Variants in ARHGAP18 observed in about 807,000 individuals in gnomAD.
ARHGAP18 encodes rho GTPase-activating protein 18.
ARHGAP18 carries 67 observed loss-of-function variants against 86.2 expected under a neutral mutation model. The ratio of observed to expected loss-of-function variants is 0.78; its 90% confidence interval spans 0.64 to 0.95. The LOEUF (loss-of-function observed/expected upper bound fraction) is 0.95. Ranked by LOEUF, ARHGAP18 falls within the 40% of genes least tolerant of loss-of-function variation. The pLI is 0.00. For missense variants in ARHGAP18, 691 were observed against 780.4 expected (o/e 0.89, Z 1.37); for synonymous variants, 283 against 280.4 (o/e 1.01, Z -0.09).
intron 1 of ARHGAP18, among the ~76,000 whole-genome samples, chr6:129,659,405 T>A (rs1773903970): frequency 6.6e-6 from 1 of 152,248 alleles, no homozygotes; most frequent in Non-Finnish European, 1.5e-5. Context: ...TTCCACACTA[T>A]GCCAAACTGT....
intron 5 of ARHGAP18, among the ~76,000 whole-genome samples, chr6:129,620,697 T>A (rs543479742): frequency 1.6e-4 from 24 of 152,354 alleles, no homozygotes; most frequent in Non-Finnish European, 3.4e-4. Flanking sequence ...CTTTGGTACT[T>A]CTTGCGTCTT....
intron 12 of ARHGAP18, among the ~76,000 whole-genome samples, chr6:129,586,019 T>G (rs1788389218): frequency 6.6e-6 from 1 of 152,224 alleles, no homozygotes; most frequent in South Asian, 2.1e-4. Context: ...TTATTTTCAC[T>G]TAGAACACTT....
At chr6:129,679,432 C>T (rs1210443885) in intron 1 of ARHGAP18, among the ~76,000 whole-genome samples, 1 of 152,214 alleles carries the variant, frequency 6.6e-6, no homozygotes, top group East Asian at 1.9e-4. Flanking sequence ...AATGTTCATA[C>T]TTAAGCATGT....
In ARHGAP18 at chr6:129,625,043, AAT is replaced by A. The variant is rs1321816973; in HGVS notation, c.786+4308_786+4309del. On this transcript the variant is annotated intron_variant, in intron 5 of 14. Transcript: ENST00000368149. ...TATGATATATGATATATATTTATAT[AAT>A]ATATATGATTGATATATATTTATAT... Among the ~76,000 whole-genome samples the A allele has an allele frequency of 8.7e-5, 7 of 80,354 alleles. No homozygotes were observed. In the Admixed American group the frequency reaches 9.9e-4, roughly 11 times the overall value. The allele number at this position is 80,354 out of a possible 152,430, so 52.7% of individuals were successfully genotyped here. A position where few individuals can be genotyped will look rare whatever the true frequency, so the allele number is the denominator to read the frequency against.
At chr6:129,687,532 C>T (rs1774451412) in intron 1 of ARHGAP18, among the ~76,000 whole-genome samples, 1 of 152,200 alleles carries the variant, frequency 6.6e-6, no homozygotes, top group Non-Finnish European at 1.5e-5. Flanking sequence ...GACGCACCTT[C>T]ATTCTCTTCC....
At chr6:129,688,792 C>CA (rs35352296) in intron 1 of ARHGAP18, among the ~76,000 whole-genome samples, 69,835 of 145,954 alleles carry the variant, frequency 0.48, 16,743 homozygotes, top group South Asian at 0.59. Context: ...AACTCCAAGT[C>CA]AAAAAAAAAA....
rs762742945 is a variant in ARHGAP18 at position 129,634,044 on chromosome 6, T to C, written c.614A>G (p.Asp205Gly). 5 of 1,607,876 alleles carry C rather than the reference T, an allele frequency of 3.1e-6. No individual in the cohort carries two copies. In the South Asian group the frequency reaches 3.3e-5, roughly 11 times the overall value. Residue 205 changes from aspartate (D) to glycine (G), a missense_variant and splice_region_variant, in exon 4 of 15, where the codon GAT becomes GGT. Transcript: ENST00000368149. ...RTNENKYQGRDDEASNLVGEE... is the reference protein window; with the variant it reads ...RTNENKYQGRGDEASNLVGEE... ...ACAAGAGAACAGGTTCAACATACCA[T>C]CTCTTCCTTGGTATTTGTTTTCATT...
intron 12 of ARHGAP18, among the ~76,000 whole-genome samples, chr6:129,594,314 C>T (rs986263068): frequency 3.9e-5 from 6 of 152,180 alleles, no homozygotes; most frequent in African/African-American, 1.4e-4. Context: ...ACTAACCAAG[C>T]TCTTTTTACT....
chr6:129,634,021 A>G lies in ARHGAP18; in HGVS notation c.616+21T>C, dbSNP rs1252758352. On this transcript the variant is annotated intron_variant, in intron 4 of 14. Transcript: ENST00000368149. ...TTAAAGGGCGGAAAAAAAAAAAAAC[A>G]AGAGAACAGGTTCAACATACCATCT... 3 of 1,574,258 alleles carry G rather than the reference A, an allele frequency of 1.9e-6. No homozygotes were observed. In the Admixed American group the frequency reaches 5.8e-5, roughly 30 times the overall value.
chr6:129,643,126 TG>T (rs1452107929), intron 1 of ARHGAP18, among the ~76,000 whole-genome samples: 1 of 152,008 alleles, frequency 6.6e-6, no homozygotes, highest in East Asian at 1.9e-4. Context: ...AATAATTTTT[TG>T]TTTTATTATT....
At chr6:129,599,574 G>C (rs1788694630) in intron 11 of ARHGAP18, among the ~76,000 whole-genome samples, 1 of 152,094 alleles carries the variant, frequency 6.6e-6, no homozygotes, top group Non-Finnish European at 1.5e-5. Flanking sequence ...GGTATAATTT[G>C]CCACCCACTG....
intron 1 of ARHGAP18, among the ~76,000 whole-genome samples, chr6:129,658,171 T>C (rs754973112): frequency 6.6e-6 from 1 of 152,202 alleles, no homozygotes; most frequent in Non-Finnish European, 1.5e-5. Context: ...CAATATCTTG[T>C]CTCTTCTCCT....
In ARHGAP18 at chr6:129,587,960, C is replaced by T. The variant is rs998309167; in HGVS notation, c.1714-3848G>A. Among the ~76,000 whole-genome samples the T allele has an allele frequency of 4.1e-4, 62 of 152,200 alleles. 1 individual carries two copies. Among genetic ancestry groups the T allele is most frequent in the African/African-American group, 5.3e-4 (22 of 41,442 alleles). On this transcript the variant is annotated intron_variant, in intron 12 of 14. Coordinates refer to ENST00000368149, the MANE Select transcript of ARHGAP18 (RefSeq NM_033515.3). ...TCTGAGACAAGGCAAGTCTCTTCCACCTATGAGCCTGCAAAATCAAAATCA... is the reference window on the plus strand; with the variant it reads ...TCTGAGACAAGGCAAGTCTCTTCCATCTATGAGCCTGCAAAATCAAAATCA...
intron 8 of ARHGAP18, among the ~76,000 whole-genome samples, chr6:129,610,034 G>T (rs1444488660): frequency 1.3e-5 from 2 of 152,122 alleles, no homozygotes; most frequent in African/African-American, 4.8e-5. Flanking sequence ...TAAAGAATGG[G>T]GTTATGAAAA....
intron 1 of ARHGAP18, among the ~76,000 whole-genome samples, chr6:129,659,926 A>C (rs1032262978): frequency 1.3e-5 from 2 of 152,284 alleles, no homozygotes; most frequent in East Asian, 1.9e-4. Context: ...GAACGTGATG[A>C]GAAAGGCCTT....
intron 1 of ARHGAP18, among the ~76,000 whole-genome samples, chr6:129,702,380 TAATG>T (rs1393915413): frequency 6.6e-6 from 1 of 152,128 alleles, no homozygotes; most frequent in Non-Finnish European, 1.5e-5. Context: ...TCTCCTCAAA[TAATG>T]AGAGTTCTTA....
At chr6:129,702,688 G>A (rs1318063910) in intron 1 of ARHGAP18, among the ~76,000 whole-genome samples, 2 of 152,056 alleles carry the variant, frequency 1.3e-5, no homozygotes, top group Non-Finnish European at 2.9e-5. Flanking sequence ...CAGGGCTCTT[G>A]GACAGAACAG....
intron 5 of ARHGAP18, among the ~76,000 whole-genome samples, chr6:129,628,472 T>C (rs1396306137): frequency 6.6e-6 from 1 of 152,218 alleles, no homozygotes; most frequent in Non-Finnish European, 1.5e-5. Context: ...GTCTCAAGGA[T>C]GACAAATTAT....
intron 3 of ARHGAP18, among the ~76,000 whole-genome samples, chr6:129,637,222 AC>A (rs201262468): frequency 1.7e-3 from 257 of 152,142 alleles, no homozygotes; most frequent in East Asian, 3.9e-3. Flanking sequence ...ATGCCACCGC[AC>A]CCAGCTAATT....
Sources: gnomAD v4.1 joint callset for allele counts (sites outside exome capture counted in the v4.1 genomes callset) on GRCh38, gnomAD v4.1.1 for gene constraint, MANE v1.5 for transcripts, NCBI Gene and HGNC (gene_info 2026-07-23, HGNC 2026-07-21) for gene names.